The following RIN2 variants were observed in gnomAD, a reference collection of about 807,000 sequenced individuals.
The protein encoded by RIN2 is RAB5 interacting protein 2.
In RIN2, 36 loss-of-function variants were observed where a neutral mutation model predicts 78.0. The ratio of observed to expected loss-of-function variants is 0.46; its 90% CI spans 0.35 to 0.61. The LOEUF (loss-of-function observed/expected upper bound fraction) is 0.61, where lower values mean the gene tolerates loss of function less well. Ranked by LOEUF, RIN2 falls within the 20% of genes least tolerant of loss-of-function variation. The probability of loss-of-function intolerance (pLI) is 0.00; values close to 1 mark genes in which losing one functional copy is unlikely to be tolerated. For synonymous variants in RIN2, 466 were observed against 466.8 expected (o/e 1.00, Z 0.02); for missense variants, 1,087 against 1,159.7 (o/e 0.94, Z 0.91).
At chr20:19,794,632 A>G (rs918387930) in intron 1 of RIN2, among the ~76,000 whole-genome samples, 11 of 152,170 alleles carry the variant, frequency 7.2e-5, no homozygotes, top group Admixed American at 2.0e-4. Context: ...TATGTGGAAA[A>G]ATAAGCAACT....
At chr20:19,902,053 A>C (rs2039012354) in intron 3 of RIN2, among the ~76,000 whole-genome samples, 1 of 151,202 alleles carries the variant, frequency 6.6e-6, no homozygotes, top group African/African-American at 2.4e-5. Flanking sequence ...TTGAGCAAAC[A>C]CACTGTTCCA....
At chr20:19,965,046 T>A in intron 7 of RIN2, 22 bp downstream of exon 7, 1 of 1,590,790 alleles carries the variant, frequency 6.3e-7, no homozygotes, top group South Asian at 1.1e-5. Flanking sequence ...TCCTCTCATA[T>A]GGTTTCAAGG....
At chr20:19,867,920 GA>G (rs1324527714) in intron 2 of RIN2, among the ~76,000 whole-genome samples, 2 of 152,230 alleles carry the variant, frequency 1.3e-5, no homozygotes, top group African/African-American at 4.8e-5. Context: ...CCTGCTCTCT[GA>G]ACTGCAAGGC....
At chr20:19,867,533 T>C (rs1457859599) in intron 2 of RIN2, among the ~76,000 whole-genome samples, 1 of 152,218 alleles carries the variant, frequency 6.6e-6, no homozygotes, top group Non-Finnish European at 1.5e-5. Flanking sequence ...TTTGTTGCCT[T>C]TTAAGACCTT....
chr20:19,822,065 G>C, intron 2 of RIN2, among the ~76,000 whole-genome samples: 1 of 152,096 alleles, frequency 6.6e-6, no homozygotes, highest in East Asian at 1.9e-4. Context: ...AGATATTTTT[G>C]TCTCCAGAAT....
intron 2 of RIN2, among the ~76,000 whole-genome samples, chr20:19,827,057 C>A (rs1440178345): frequency 1.4e-5 from 2 of 147,048 alleles, no homozygotes; most frequent in South Asian, 2.2e-4. Flanking sequence ...CTTACTGCAA[C>A]CTCCGCCTCC....
intron 9 of RIN2, among the ~76,000 whole-genome samples, chr20:19,982,967 C>T (rs2042507199): frequency 1.3e-5 from 2 of 152,200 alleles, no homozygotes; most frequent in South Asian, 4.1e-4. Flanking sequence ...CTTAATAAAG[C>T]AAACTATATT....
intron 2 of RIN2, chr20:19,823,625 C>T: frequency 6.4e-7 from 1 of 1,553,234 alleles, no homozygotes; most frequent in Admixed American, 1.7e-5. Context: ...ACGATCTCAT[C>T]AAAAGTGATA....
intron 12 of RIN2, among the ~76,000 whole-genome samples, chr20:19,997,419 A>G (rs1426925617): frequency 6.6e-6 from 1 of 152,146 alleles, no homozygotes; most frequent in Non-Finnish European, 1.5e-5. Context: ...TGGGACTCCC[A>G]GTGAGCTTGT....
At chr20:19,806,559 C>G (rs2035414539) in intron 2 of RIN2, among the ~76,000 whole-genome samples, 2 of 152,310 alleles carry the variant, frequency 1.3e-5, no homozygotes, top group East Asian at 3.9e-4. Flanking sequence ...CCCCTTTGCT[C>G]TGGCATCAGC....
intron 4 of RIN2, among the ~76,000 whole-genome samples, chr20:19,943,056 C>G (rs2040943850): frequency 6.6e-6 from 1 of 152,242 alleles, no homozygotes; most frequent in African/African-American, 2.4e-5. Context: ...ACTTGCCTTT[C>G]CGTGAAGCAG....
chr20:19,937,194 T>C (rs943330954), intron 4 of RIN2, among the ~76,000 whole-genome samples: 2 of 152,200 alleles, frequency 1.3e-5, no homozygotes, highest in Admixed American at 1.3e-4. Flanking sequence ...GGAGGGCCAG[T>C]TCAGTTATTT....
intron 2 of RIN2, among the ~76,000 whole-genome samples, chr20:19,821,900 C>T (rs1232501367): frequency 6.6e-6 from 1 of 152,156 alleles, no homozygotes; most frequent in Admixed American, 6.5e-5. Context: ...CTGCCTGGGA[C>T]ATTATAGATG....
At chr20:19,971,818 T>C (rs1175721335) in intron 8 of RIN2, among the ~76,000 whole-genome samples, 3 of 148,836 alleles carry the variant, frequency 2.0e-5, no homozygotes, top group Non-Finnish European at 4.4e-5. Context: ...CTCAGCTCTC[T>C]GCAGCTTCTG....
At chr20:19,862,766 T>C (rs936327170) in intron 2 of RIN2, among the ~76,000 whole-genome samples, 1 of 152,230 alleles carries the variant, frequency 6.6e-6, no homozygotes, top group East Asian at 1.9e-4. Context: ...TCTTCAAAGT[T>C]AGAACCAGGG....
chr20:19,904,840 T>C (rs1329574773), intron 3 of RIN2, among the ~76,000 whole-genome samples: 1 of 152,204 alleles, frequency 6.6e-6, no homozygotes, highest in Non-Finnish European at 1.5e-5. Flanking sequence ...GCAATTAAAA[T>C]CTTCCCTGGA....
intron 10 of RIN2, among the ~76,000 whole-genome samples, chr20:19,991,755 C>G (rs1163808654): frequency 6.6e-6 from 1 of 152,162 alleles, no homozygotes; most frequent in Non-Finnish European, 1.5e-5. Context: ...TTGACCTTGT[C>G]ATTATGTTTG....
intron 3 of RIN2, among the ~76,000 whole-genome samples, chr20:19,924,474 C>T (rs959619844): frequency 1.1e-3 from 93 of 83,556 alleles, no homozygotes; most frequent in East Asian, 4.2e-3. Context: ...ACCTTCATAC[C>T]CCCACCTTCA....
At chr20:19,874,061 GGTGTGTGT>G (rs60818960) in intron 2 of RIN2, among the ~76,000 whole-genome samples, 2 of 149,918 alleles carry the variant, frequency 1.3e-5, no homozygotes, top group African/African-American at 2.5e-5. Flanking sequence ...TTCACATTTT[GGTGTGTGT>G]GTGTGTGTGT....
Sources: allele counts gnomAD v4.1 joint callset (sites outside exome capture counted in the v4.1 genomes callset), GRCh38; gene constraint gnomAD v4.1.1; transcripts MANE v1.5; gene names NCBI Gene and HGNC (gene_info 2026-07-23, HGNC 2026-07-21).